The following GFRA1 variants were observed in gnomAD, a reference collection of about 807,000 sequenced individuals.
GFRA1 encodes the protein GDNF family receptor alpha-1.
Under a neutral mutation model 51.6 loss-of-function variants are expected in GFRA1, and 16 were observed. The observed-to-expected ratio is 0.31, with a 90% CI of 0.21 to 0.47. The LOEUF is 0.47. GFRA1 is among the 20% of genes least tolerant of loss of function. The pLI, the probability that GFRA1 is intolerant of heterozygous loss-of-function variation, is 1.00. For synonymous variants in GFRA1, 270 were observed against 241.3 expected (o/e 1.12, Z -1.10); for missense variants, 530 against 594.3 (o/e 0.89, Z 1.13).
At chr10:116,215,057 C>A (rs1222117653) in intron 4 of GFRA1, among the ~76,000 whole-genome samples, 1 of 152,228 alleles carries the variant, frequency 6.6e-6, no homozygotes, top group Admixed American at 6.5e-5. Flanking sequence ...CAATTTTGCA[C>A]GTGAATTATC....
intron 9 of GFRA1, among the ~76,000 whole-genome samples, chr10:116,086,934 C>A (rs1956125242): frequency 6.6e-6 from 1 of 152,228 alleles, no homozygotes; most frequent in Non-Finnish European, 1.5e-5. Flanking sequence ...TCTCTTGCCT[C>A]AGCTTCCCAA....
At chr10:116,079,409 A>ATATC (rs1373962442) in intron 9 of GFRA1, among the ~76,000 whole-genome samples, 9 of 152,060 alleles carry the variant, frequency 5.9e-5, no homozygotes, top group African/African-American at 4.8e-5. Context: ...GTTTACACTT[A>ATATC]TATCTCCCTA....
intron 4 of GFRA1, among the ~76,000 whole-genome samples, chr10:116,234,026 G>T (rs904861263): frequency 2.0e-5 from 3 of 152,160 alleles, no homozygotes; most frequent in Admixed American, 6.5e-5. Flanking sequence ...GGTTGAATGA[G>T]CATTTCAAAT....
At chr10:116,176,782 G>T (rs907902888) in intron 5 of GFRA1, among the ~76,000 whole-genome samples, 3 of 124,750 alleles carry the variant, frequency 2.4e-5, no homozygotes, top group Non-Finnish European at 4.8e-5. Flanking sequence ...GGCCTACCAT[G>T]GCCAAGGCTT....
intron 4 of GFRA1, among the ~76,000 whole-genome samples, chr10:116,237,573 GCAAA>G (rs376146687): frequency 0.17 from 12,527 of 74,770 alleles, 585 homozygotes; most frequent in Non-Finnish European, 0.18. Context: ...TAAACTAAAG[GCAAA>G]AAAAAAAAAA....
intron 5 of GFRA1, among the ~76,000 whole-genome samples, chr10:116,183,114 C>T (rs758004165): frequency 6.6e-6 from 1 of 152,202 alleles, no homozygotes; most frequent in South Asian, 2.1e-4. Flanking sequence ...TTCTTTTCCT[C>T]AGAGGGAACA....
intron 5 of GFRA1, among the ~76,000 whole-genome samples, chr10:116,140,248 C>A (rs1198051769): frequency 1.3e-5 from 2 of 152,188 alleles, no homozygotes; most frequent in Admixed American, 1.3e-4. Context: ...TGAATAAAAA[C>A]AAAATGGAAG....
At chr10:116,078,767 T>A (rs1191239114) in intron 9 of GFRA1, among the ~76,000 whole-genome samples, 1 of 151,906 alleles carries the variant, frequency 6.6e-6, no homozygotes, top group Non-Finnish European at 1.5e-5. Flanking sequence ...GATGAAAACG[T>A]CACAAAGACC....
In GFRA1 at chr10:116,065,573, A is replaced by G; in HGVS notation, c.1251T>C (p.Asn417=). 1.2e-6 allele frequency: 2 copies of G among 1,611,630 alleles called. No homozygotes were observed. Among genetic ancestry groups the G allele is most frequent in the Non-Finnish European group, 8.5e-7 (1 of 1,177,800 alleles). ...VSGNTHLCIS[N]GNYEKEGLGA... ...AAGCCTCCAAAAGAAACATACTTAC[A>G]TTGGAAATACAGAGGTGTGTATTGC... The change falls in exon 10 of 11, where the codon AAT becomes AAC. Residue 417 remains asparagine, a splice_region_variant and synonymous_variant. Transcript: ENST00000355422.
intron 4 of GFRA1, among the ~76,000 whole-genome samples, chr10:116,255,092 AC>A (rs1042947240): frequency 6.6e-6 from 1 of 151,776 alleles, no homozygotes; most frequent in South Asian, 2.1e-4. Flanking sequence ...GTCTAAAGTT[AC>A]CCCCCTCCAC....
chr10:116,073,595 T>G (rs890916128), intron 9 of GFRA1, among the ~76,000 whole-genome samples: 1 of 152,194 alleles, frequency 6.6e-6, no homozygotes, highest in African/African-American at 2.4e-5. Flanking sequence ...ATTAATGGTA[T>G]AAAGGCAGCT....
rs1454536093 is a variant in GFRA1 at position 116,061,853 on chromosome 10, C to CA, written c.*2544dup. On this transcript the variant is annotated 3_prime_UTR_variant, in exon 11 of 11. Transcript: ENST00000355422. ...TGATGGTGTTTTAGGGTCACCGTGT[C>CA]AAACTAAGATCACACTGAATGGCGG... 7.6e-6 allele frequency: 3 copies of CA among 397,086 alleles called. No individual in the cohort carries two copies. Among genetic ancestry groups the CA allele is most frequent in the African/African-American group, 6.2e-5 (3 of 48,606 alleles). 24.6% of individuals were successfully genotyped at this position (397,086 alleles called of 1,614,324 possible). A position where few individuals can be genotyped will look rare whatever the true frequency, so the allele number is the denominator to read the frequency against.
chr10:116,250,569 C>T (rs187732881), intron 4 of GFRA1, among the ~76,000 whole-genome samples: 225 of 152,302 alleles, frequency 1.5e-3, no homozygotes, highest in African/African-American at 2.9e-3. Flanking sequence ...TCAAAGCGTA[C>T]ATCTGAAGTG....
chr10:116,233,008 C>A (rs1393364329), intron 4 of GFRA1, among the ~76,000 whole-genome samples: 5 of 152,150 alleles, frequency 3.3e-5, no homozygotes, highest in Admixed American at 6.5e-5. Flanking sequence ...TAAAAAGCCA[C>A]CTTTACTTCT....
intron 4 of GFRA1, among the ~76,000 whole-genome samples, chr10:116,244,111 A>C (rs1207580929): frequency 6.6e-6 from 1 of 152,070 alleles, no homozygotes; most frequent in Non-Finnish European, 1.5e-5. Context: ...AATAAAACAC[A>C]CAAGAAAAAA....
At chr10:116,193,617 A>G (rs1392312051) in intron 5 of GFRA1, among the ~76,000 whole-genome samples, 4 of 152,284 alleles carry the variant, frequency 2.6e-5, no homozygotes, top group East Asian at 1.9e-4. Context: ...GTTACCTGAG[A>G]AGAGACAGAG....
chr10:116,260,441 T>C (rs1164824001), intron 4 of GFRA1, among the ~76,000 whole-genome samples: 5 of 152,244 alleles, frequency 3.3e-5, no homozygotes, highest in African/African-American at 1.2e-4. Flanking sequence ...AGAGCTTGTA[T>C]TTAGAAACAA....
rs530114823 is a variant in GFRA1, at chr10:116,075,228, T to G, written c.1198-9602A>C. ...GAGAATAGTGGTTTAAAAAAAAAAG[T>G]GCTTAGGAGAAGACATCATAAATGA... On this transcript the variant is annotated intron_variant, in intron 9 of 10. Transcript: ENST00000355422. Among the ~76,000 whole-genome samples the G allele has an allele frequency of 3.9e-5, 6 of 151,900 alleles. No individual in the cohort carries two copies. In the East Asian group the frequency reaches 1.2e-3, roughly 29 times the overall value.
chr10:116,105,064 T>G (rs1465438705), intron 6 of GFRA1, among the ~76,000 whole-genome samples: 2 of 152,206 alleles, frequency 1.3e-5, no homozygotes, highest in East Asian at 3.9e-4. Context: ...GCTATGTCCA[T>G]TCACACAGAA....
Sources: gnomAD v4.1 joint callset for allele counts (sites outside exome capture counted in the v4.1 genomes callset) on GRCh38, gnomAD v4.1.1 for gene constraint, MANE v1.5 for transcripts, NCBI Gene and HGNC (gene_info 2026-07-23, HGNC 2026-07-21) for gene names.